The following INTS7 variants were observed in gnomAD, a reference collection of about 807,000 sequenced individuals.
INTS7 encodes the protein integrator complex subunit 7.
INTS7 carries 46 observed loss-of-function variants against 109.2 expected under a neutral mutation model. That is an observed-to-expected ratio of 0.42 (90% confidence interval 0.33 to 0.54). INTS7 has a LOEUF of 0.54. Among genes scored for constraint, INTS7 ranks in the 20% least tolerant of loss-of-function variants. The pLI is 0.07. For synonymous variants in INTS7, 412 were observed against 402.9 expected, an observed-to-expected ratio of 1.02 and a Z score of -0.27; for missense variants, 929 against 1,132.4, an observed-to-expected ratio of 0.82 and a Z score of 2.58.
intron 16 of INTS7, among the ~76,000 whole-genome samples, chr1:211,952,967 G>A (rs1663170895): frequency 6.6e-6 from 1 of 152,172 alleles, no homozygotes; most frequent in African/African-American, 2.4e-5. Context: ...AAATATGACA[G>A]TGTTACTGCC....
intron 7 of INTS7, among the ~76,000 whole-genome samples, chr1:211,989,042 T>C (rs559796510): frequency 1.3e-4 from 20 of 152,330 alleles, no homozygotes; most frequent in African/African-American, 4.8e-4. Flanking sequence ...GTTAAATTAA[T>C]TTCCATTCTC....
intron 7 of INTS7, among the ~76,000 whole-genome samples, chr1:212,005,751 T>C (rs1665877174): frequency 6.6e-6 from 1 of 152,224 alleles, no homozygotes; most frequent in Non-Finnish European, 1.5e-5. Flanking sequence ...ATTAAATTCT[T>C]AATTTACTTC....
intron 3 of INTS7, among the ~76,000 whole-genome samples, chr1:212,017,961 A>C (rs999863189): frequency 4.6e-5 from 7 of 152,198 alleles, no homozygotes; most frequent in Non-Finnish European, 1.0e-4. Flanking sequence ...AATGACTATT[A>C]ATCTATTATA....
At chr1:212,002,531 T>G (rs572277311) in intron 7 of INTS7, among the ~76,000 whole-genome samples, 1 of 152,324 alleles carries the variant, frequency 6.6e-6, no homozygotes, top group African/African-American at 2.4e-5. Context: ...TCTCCTCTAT[T>G]AACAGTCACA....
intron 7 of INTS7, among the ~76,000 whole-genome samples, chr1:212,001,712 C>T (rs1054807720): frequency 1.3e-5 from 2 of 152,196 alleles, no homozygotes; most frequent in East Asian, 1.9e-4. Context: ...TATTGCCAAA[C>T]GCAAAGGTGA....
At position 211,978,456 on chromosome 1, in the gene INTS7, G is replaced by C. The variant is rs763454577; in HGVS notation, c.1286C>G (p.Ser429Ter). 3 of 1,614,064 alleles carry C rather than the reference G, an allele frequency of 1.9e-6. No homozygotes were observed. The highest frequency in any genetic ancestry group is 2.5e-6 in the Non-Finnish European group (3 of 1,180,032). The change falls in exon 11 of 20, where the codon TCA becomes TGA. Residue 429 changes from serine to a stop codon, truncating the protein, a stop_gained. Transcript: ENST00000366994. LOFTEE classifies it high-confidence loss of function. ...LAKGRPHLSQ[S>*]VVETLLTQLH... ...TTGAGTCAACAAGGTCTCAACTACT[G>C]ACTGGCTAAGATGGGGCCTGCCCTT...
chr1:211,977,800 T>C (rs1269459800), intron 11 of INTS7, among the ~76,000 whole-genome samples: 1 of 152,190 alleles, frequency 6.6e-6, no homozygotes. Context: ...CTAAACTGGA[T>C]CCTAAACAGC....
chr1:211,974,276 A>AAAAATATAT (rs1553249481), intron 13 of INTS7, among the ~76,000 whole-genome samples: 1 of 92,420 alleles, frequency 1.1e-5, no homozygotes, highest in African/African-American at 4.2e-5. Flanking sequence ...AGAAAAAAAA[A>AAAAATATAT]ATATATATAT....
intron 8 of INTS7, among the ~76,000 whole-genome samples, chr1:211,984,752 T>C (rs1353382190): frequency 1.3e-5 from 2 of 152,168 alleles, no homozygotes; most frequent in South Asian, 2.1e-4. Context: ...CCAGAGTCCA[T>C]AAATTTACAA....
chr1:211,959,941 G>C lies in INTS7; in HGVS notation c.2183+6489C>G, dbSNP rs1176021590. 2.0e-5 allele frequency among the ~76,000 whole-genome samples: 3 copies of C among 151,910 alleles called. No individual in the cohort carries two copies. Among genetic ancestry groups the C allele is most frequent in the African/African-American group, 7.3e-5 (3 of 41,146 alleles). On this transcript the variant is annotated intron_variant, in intron 16 of 19. Transcript: ENST00000366994. The surrounding 1 kb of genome is among the most constrained non-coding windows in gnomAD (Gnocchi z 4.2). The stretch of plus-strand genomic sequence containing the variant: ...GGCATCCCAGACCTGCTAGTATCCT[G>C]CCGCGGTGGACAAGTGTGCATCCCG...
chr1:211,979,842 C>T (rs1340834120), intron 10 of INTS7, among the ~76,000 whole-genome samples: 3 of 152,310 alleles, frequency 2.0e-5, no homozygotes, highest in Non-Finnish European at 2.9e-5. Context: ...AAAGTCTTCC[C>T]TAATACCCTT....
chr1:212,034,155 T>C (rs2102512990), intron 1 of INTS7, among the ~76,000 whole-genome samples: 1 of 151,940 alleles, frequency 6.6e-6, no homozygotes, highest in Admixed American at 6.5e-5. Context: ...AAAGATTTGG[T>C]AAGAGAAGGA....
At chr1:211,990,369 G>T (rs556187180) in intron 7 of INTS7, among the ~76,000 whole-genome samples, 2 of 151,942 alleles carry the variant, frequency 1.3e-5, no homozygotes, top group East Asian at 3.8e-4. Context: ...GAACATGCAC[G>T]TAGTGTATTT....
rs146707024 is a variant in INTS7, at chr1:211,943,259, C to G, written c.2602-1148G>C. ...ACTGCAAAGTAATCATGTTATTACT[C>G]GGCTTATTATATCAGCTTCCTGACT... On this transcript the variant is annotated intron_variant, in intron 19 of 19. Transcript: ENST00000366994. Among the ~76,000 whole-genome samples the G allele has an allele frequency of 5.3e-3, 808 of 151,852 alleles. 3 individuals are homozygous for G. The highest frequency in any genetic ancestry group is 0.018 in the African/African-American group (765 of 41,414).
intron 7 of INTS7, among the ~76,000 whole-genome samples, chr1:211,995,530 AT>A (rs34063407): frequency 0.068 from 10,423 of 152,316 alleles, 455 homozygotes; most frequent in Admixed American, 0.13. Flanking sequence ...AAGTGGCAAT[AT>A]TAACAAAATG....
intron 12 of INTS7, among the ~76,000 whole-genome samples, chr1:211,976,182 A>T (rs1384438950): frequency 6.6e-6 from 1 of 152,192 alleles, no homozygotes; most frequent in East Asian, 1.9e-4. Context: ...TATGGCTGAG[A>T]AGAGTACAGC....
At chr1:211,980,730 T>G (rs905597554) in intron 10 of INTS7, among the ~76,000 whole-genome samples, 1 of 152,168 alleles carries the variant, frequency 6.6e-6, no homozygotes, top group Non-Finnish European at 1.5e-5. Flanking sequence ...TGAGAGCCAC[T>G]GTCCTGGCCT....
chr1:211,977,038 G>A (rs190017502), intron 11 of INTS7, among the ~76,000 whole-genome samples: 22 of 152,028 alleles, frequency 1.4e-4, no homozygotes, highest in Admixed American at 7.2e-4. Flanking sequence ...AGCAAAATAC[G>A]CAAAAATATG....
intron 7 of INTS7, among the ~76,000 whole-genome samples, chr1:212,003,027 A>G (rs973660928): frequency 6.6e-6 from 1 of 152,196 alleles, no homozygotes; most frequent in African/African-American, 2.4e-5. Context: ...AACTTAGCAC[A>G]AAGAGATAGA....
Sources: gnomAD v4.1 joint callset for allele counts (sites outside exome capture counted in the v4.1 genomes callset) on GRCh38, gnomAD v4.1.1 for gene constraint, Gnocchi (gnomAD v3.1) non-coding constraint, MANE v1.5 for transcripts, NCBI Gene and HGNC (gene_info 2026-07-23, HGNC 2026-07-21) for gene names.